Variants in VWC2 observed in about 807,000 individuals in gnomAD.
VWC2 encodes the protein brorin.
In VWC2, 14 loss-of-function variants were observed where a neutral mutation model predicts 29.8. The ratio of observed to expected loss-of-function variants is 0.47; its 90% CI spans 0.31 to 0.74. The LOEUF (loss-of-function observed/expected upper bound fraction) is 0.74, where lower values mean the gene tolerates loss of function less well. Ranked by LOEUF, VWC2 falls within the 30% of genes least tolerant of loss-of-function variation. The probability of loss-of-function intolerance (pLI) is 0.05; values close to 1 mark genes in which losing one functional copy is unlikely to be tolerated. For synonymous variants in VWC2, 213 were observed against 199.0 expected (o/e 1.07, Z -0.59); for missense variants, 457 against 459.8 (o/e 0.99, Z 0.05).
At chr7:49,879,530 A>G (rs1048597183) in intron 3 of VWC2, among the ~76,000 whole-genome samples, 7 of 152,150 alleles carry the variant, frequency 4.6e-5, no homozygotes, top group Non-Finnish European at 1.0e-4. Flanking sequence ...GTTGAGCGTT[A>G]GTCCATGGTA....
chr7:49,807,897 C>T (rs1022170364), intron 3 of VWC2, among the ~76,000 whole-genome samples: 1 of 152,036 alleles, frequency 6.6e-6, no homozygotes, highest in Non-Finnish European at 1.5e-5. Context: ...AATACCAACA[C>T]ATCCAAATAA....
At chr7:49,804,173 A>T (rs4916993) in intron 3 of VWC2, among the ~76,000 whole-genome samples, 37,796 of 147,492 alleles carry the variant, frequency 0.26, 5,167 homozygotes, top group East Asian at 0.64. Flanking sequence ...TTTTTTTTTT[A>T]AAAAAAAAAA....
In VWC2 at chr7:49,775,337, G is replaced by A. The variant is rs1282347153; in HGVS notation, c.-99G>A. The stretch of plus-strand genomic sequence containing the variant: ...GTGCTGCTGTTCTCTCCGCAGGGAC[G>A]GCGGCTCCCGGCTGGCGGCGGCGCG... On this transcript the variant is annotated 5_prime_UTR_variant, in exon 2 of 4. Transcript: ENST00000340652. 27 of 973,978 alleles carry A rather than the reference G, an allele frequency of 2.8e-5. No homozygotes were observed. In the Admixed American group the frequency reaches 5.7e-4, roughly 20 times the overall value. The allele number at this position is 973,978 out of a possible 1,614,324, so 60.3% of individuals were successfully genotyped here. A position where few individuals can be genotyped will look rare whatever the true frequency, so the allele number is the denominator to read the frequency against.
At chr7:49,879,689 C>T (rs1791588690) in intron 3 of VWC2, among the ~76,000 whole-genome samples, 1 of 152,054 alleles carries the variant, frequency 6.6e-6, no homozygotes, top group Admixed American at 6.6e-5. Flanking sequence ...ATCTCTCCAT[C>T]CTAGTACATA....
intron 3 of VWC2, among the ~76,000 whole-genome samples, chr7:49,840,632 G>A (rs1789773292): frequency 6.6e-6 from 1 of 152,128 alleles, no homozygotes. Context: ...AGCATAAGGA[G>A]TATTGGTTTG....
chr7:49,867,148 ACAGACTAGC>A (rs1360657049), intron 3 of VWC2, among the ~76,000 whole-genome samples: 1 of 152,206 alleles, frequency 6.6e-6, no homozygotes, highest in Non-Finnish European at 1.5e-5. Flanking sequence ...AACAACACAC[ACAGACTAGC>A]CTGCAAGGAA....
intron 3 of VWC2, among the ~76,000 whole-genome samples, chr7:49,844,846 C>G (rs978041584): frequency 6.6e-6 from 1 of 152,120 alleles, no homozygotes; most frequent in African/African-American, 2.4e-5. Flanking sequence ...GTGCCCGCCA[C>G]TACGTCCAAC....
At chr7:49,907,170 G>A (rs960354278) in intron 3 of VWC2, among the ~76,000 whole-genome samples, 1 of 152,030 alleles carries the variant, frequency 6.6e-6, no homozygotes, top group Non-Finnish European at 1.5e-5. Flanking sequence ...AGAAAAATGA[G>A]GAAATAATTT....
chr7:49,915,966 T>C lies in VWC2; in HGVS notation c.*3781T>C, dbSNP rs181954868. On this transcript the variant is annotated 3_prime_UTR_variant, in exon 4 of 4. Coordinates refer to ENST00000340652, the MANE Select transcript of VWC2 (RefSeq NM_198570.5). The stretch of plus-strand genomic sequence containing the variant: ...AGCATCTGATGGTTGATACAGTCAG[T>C]AACTATTCTGAAGAATCAGATTAAG... The C allele has an allele frequency of 4.1e-4, 63 of 152,312 alleles. No homozygotes were observed. The highest frequency in any genetic ancestry group is 1.2e-3 in the African/African-American group (51 of 41,586). The allele number at this position is 152,312 out of a possible 1,614,324, so 9.4% of individuals were successfully genotyped here.
chr7:49,861,660 TA>T (rs748938469), intron 3 of VWC2, among the ~76,000 whole-genome samples: 9 of 152,236 alleles, frequency 5.9e-5, no homozygotes, highest in Non-Finnish European at 1.0e-4. Context: ...AATTTTGAGT[TA>T]ATTTTTGTAT....
chr7:49,872,110 C>T (rs936614578), intron 3 of VWC2, among the ~76,000 whole-genome samples: 5 of 151,644 alleles, frequency 3.3e-5, no homozygotes, highest in African/African-American at 1.2e-4. Flanking sequence ...AAACAGAAAC[C>T]TGTAGTTAAC....
At chr7:49,872,186 G>A (rs2128723698) in intron 3 of VWC2, among the ~76,000 whole-genome samples, 1 of 152,222 alleles carries the variant, frequency 6.6e-6, no homozygotes, top group South Asian at 2.1e-4. Flanking sequence ...AAATCCAGTT[G>A]ATTGGTCACA....
chr7:49,900,431 C>T lies in VWC2; in HGVS notation c.827-11603C>T, dbSNP rs527801873. Among the ~76,000 whole-genome samples the T allele has an allele frequency of 4.0e-5, 6 of 151,198 alleles. No homozygotes were observed. The East Asian group carries it at 1.2e-3, about 29-fold the overall frequency. On this transcript the variant is annotated intron_variant, in intron 3 of 3. Transcript: ENST00000340652. Reference sequence around the variant, plus strand: ...TCTAAGTATCTCACCAAGCTAAGAACAAAAAAGAGGATGCAAATTGCTATA... The same window carrying T: ...TCTAAGTATCTCACCAAGCTAAGAATAAAAAAGAGGATGCAAATTGCTATA...
At chr7:49,829,175 A>G (rs554024600) in intron 3 of VWC2, among the ~76,000 whole-genome samples, 1 of 152,188 alleles carries the variant, frequency 6.6e-6, no homozygotes, top group South Asian at 2.1e-4. Flanking sequence ...CTGTTAATAC[A>G]CTATATTTTA....
chr7:49,773,996 C>A lies in VWC2; in HGVS notation c.-221C>A, dbSNP rs1194150916. The A allele has an allele frequency of 1.3e-5, 2 of 151,870 alleles. No homozygotes were observed. The highest frequency in any genetic ancestry group is 2.9e-5 in the Non-Finnish European group (2 of 67,962). The allele number at this position is 151,870 out of a possible 1,614,324, so 9.4% of individuals were successfully genotyped here. A position where few individuals can be genotyped will look rare whatever the true frequency, so the allele number is the denominator to read the frequency against. On this transcript the variant is annotated 5_prime_UTR_variant, in exon 1 of 4. Coordinates refer to ENST00000340652, the MANE Select transcript of VWC2 (RefSeq NM_198570.5). Reference sequence around the variant, plus strand: ...AGGTGGGGCTGGGCTGTTAGTGGTCCGCCCCACGCGGGTCGCCGGCCGGCC... The same window carrying A: ...AGGTGGGGCTGGGCTGTTAGTGGTCAGCCCCACGCGGGTCGCCGGCCGGCC...
At chr7:49,799,720 A>T (rs75039473) in intron 2 of VWC2, among the ~76,000 whole-genome samples, 1,875 of 152,370 alleles carry the variant, frequency 0.012, 42 homozygotes, top group African/African-American at 0.041. Flanking sequence ...AGGTGATTTT[A>T]TCATTGTGTG....
At chr7:49,788,800 CTG>C (rs566757091) in intron 2 of VWC2, among the ~76,000 whole-genome samples, 22 of 119,062 alleles carry the variant, frequency 1.8e-4, no homozygotes, top group South Asian at 2.9e-4. Context: ...GTGAGTGTGA[CTG>C]TGTGGGTGCG....
Position 49,775,919 on chromosome 7 carries a change from G to A in VWC2, c.484G>A (p.Val162Met). The change falls in exon 2 of 4, where the codon GTG becomes ATG. Residue 162 changes from valine (V) to methionine (M), a missense_variant. Val to Met is a conservative substitution (Grantham distance 21). Transcript: ENST00000340652. ...GGGCTGCGTGGACGAGAGCGGCTTC[G>A]TGTACGCGATCGGGGAGAAGTTCGC... is the stretch of plus-strand genomic sequence containing the variant. ...GKGCVDESGF[V>M]YAIGEKFAPG... is the part of the protein sequence containing the mutation. 1 of 1,558,008 alleles carries A rather than the reference G, an allele frequency of 6.4e-7. No homozygotes were observed. The highest frequency in any genetic ancestry group is 1.9e-5 in the Admixed American group (1 of 52,324).
At chr7:49,801,267 C>T (rs1278078915) in intron 2 of VWC2, among the ~76,000 whole-genome samples, 2 of 152,304 alleles carry the variant, frequency 1.3e-5, no homozygotes, top group African/African-American at 4.8e-5. Flanking sequence ...GTATCATGGA[C>T]GTGGGGCACA....
Sources: allele counts gnomAD v4.1 joint callset (sites outside exome capture counted in the v4.1 genomes callset), GRCh38; gene constraint gnomAD v4.1.1; transcripts MANE v1.5; gene names NCBI Gene and HGNC (gene_info 2026-07-23, HGNC 2026-07-21).